ZNF385B: variants seen among roughly 807,000 people sequenced by gnomAD.
ZNF385B encodes zinc finger protein 533.
A neutral mutation model predicts 39.2 loss-of-function variants in ZNF385B; 23 were observed. The observed-to-expected ratio is 0.59, with a 90% CI of 0.42 to 0.83. The LOEUF is 0.83. Among genes scored for constraint, ZNF385B ranks in the 40% least tolerant of loss-of-function variants. The pLI is 0.00. For synonymous variants in ZNF385B, 205 were observed against 222.6 expected (o/e 0.92, Z 0.70); for missense variants, 552 against 598.9 (o/e 0.92, Z 0.82).
At chr2:179,540,663 T>G (rs942397619) in intron 4 of ZNF385B, among the ~76,000 whole-genome samples, 1 of 152,148 alleles carries the variant, frequency 6.6e-6, no homozygotes, top group African/African-American at 2.4e-5. Flanking sequence ...CAAAAAATGT[T>G]GTTGAGCACC....
Position 179,537,767 on chromosome 2 carries a change from A to AAAAAAAAAC in ZNF385B, c.441+7059_441+7060insGTTTTTTTT. Among the ~76,000 whole-genome samples the AAAAAAAAAC allele has an allele frequency of 2.4e-5, 3 of 125,318 alleles. 1 individual carries two copies. The highest frequency in any genetic ancestry group is 2.4e-4 in the Admixed American group (3 of 12,714). 82.2% of individuals were successfully genotyped at this position (125,318 alleles called of 152,430 possible). A position where few individuals can be genotyped will look rare whatever the true frequency, so the allele number is the denominator to read the frequency against. On this transcript the variant is annotated intron_variant, in intron 4 of 9. Transcript: ENST00000410066. Reference sequence around the variant, plus strand: ...AAAACAAACAAACAAACAAACAAACAAAAAAAAAAATTAATAGAAATGTAA... The same window carrying AAAAAAAAAC: ...AAAACAAACAAACAAACAAACAAACAAAAAAAAACAAAAAAAAAATTAATAGAAATGTAA...
chr2:179,788,749 T>C (rs1705153492), intron 1 of ZNF385B, among the ~76,000 whole-genome samples: 2 of 152,028 alleles, frequency 1.3e-5, no homozygotes, highest in Admixed American at 6.6e-5. Flanking sequence ...CAGAAGAAAA[T>C]GCCTTGTTGA....
intron 3 of ZNF385B, among the ~76,000 whole-genome samples, chr2:179,571,931 G>A (rs1436278905): frequency 1.3e-5 from 2 of 152,028 alleles, no homozygotes; most frequent in South Asian, 2.1e-4. Flanking sequence ...TCTGTAAGTT[G>A]ATGCCCTAAT....
intron 3 of ZNF385B, among the ~76,000 whole-genome samples, chr2:179,768,684 C>A (rs1214079881): frequency 6.6e-6 from 1 of 152,194 alleles, no homozygotes; most frequent in Non-Finnish European, 1.5e-5. Context: ...GGGAGGAAGA[C>A]TGTCTTTTGT....
chr2:179,654,084 G>A (rs550656953), intron 3 of ZNF385B, among the ~76,000 whole-genome samples: 124 of 152,142 alleles, frequency 8.2e-4, no homozygotes, highest in African/African-American at 2.8e-3. Context: ...CAGAATCAAC[G>A]GATGGATTTA....
Position 179,518,539 on chromosome 2 carries a change from A to G in ZNF385B, c.541T>C (p.Phe181Leu). 2 of 1,602,434 alleles carry G rather than the reference A, an allele frequency of 1.2e-6. No homozygotes were observed. The highest frequency in any genetic ancestry group is 1.7e-6 in the Non-Finnish European group (2 of 1,175,246). ...AAGGTGATACTCACATCTGAGTTAA[A>G]GCGAAGCTGACAGACATTACAAGAA... The part of the protein sequence containing the change: ...VISCNVCQLR[F>L]NSDSQAEAHY... Residue 181 changes from phenylalanine to leucine, a missense_variant, in exon 5 of 10, where the codon TTT becomes CTT. Coordinates refer to ENST00000410066, the MANE Select transcript of ZNF385B (RefSeq NM_152520.6).
intron 4 of ZNF385B, among the ~76,000 whole-genome samples, chr2:179,543,872 T>C (rs2060071415): frequency 6.6e-6 from 1 of 152,182 alleles, no homozygotes; most frequent in South Asian, 2.1e-4. Flanking sequence ...TCTTGCTGTT[T>C]TCACTTCATA....
At chr2:179,757,010 C>G (rs1283003659) in intron 3 of ZNF385B, among the ~76,000 whole-genome samples, 1 of 152,204 alleles carries the variant, frequency 6.6e-6, no homozygotes, top group Non-Finnish European at 1.5e-5. Context: ...TGGCAAGGAG[C>G]TGTGTTCCTT....
chr2:179,684,698 C>G (rs1280366637), intron 3 of ZNF385B, among the ~76,000 whole-genome samples: 1 of 152,154 alleles, frequency 6.6e-6, no homozygotes, highest in Non-Finnish European at 1.5e-5. Flanking sequence ...TCGTGACATA[C>G]CGAATCACAC....
At chr2:179,685,776 G>C (rs1157818893) in intron 3 of ZNF385B, among the ~76,000 whole-genome samples, 1 of 152,168 alleles carries the variant, frequency 6.6e-6, no homozygotes, top group African/African-American at 2.4e-5. Context: ...ATCACCCTCT[G>C]ATGCTAAACA....
intron 5 of ZNF385B, among the ~76,000 whole-genome samples, chr2:179,505,412 T>G (rs549565591): frequency 1.3e-5 from 2 of 152,212 alleles, no homozygotes; most frequent in Admixed American, 1.3e-4. Flanking sequence ...TAACTACTCC[T>G]TTAGTGAATC....
chr2:179,508,981 C>G (rs988099293), intron 5 of ZNF385B, among the ~76,000 whole-genome samples: 4 of 147,862 alleles, frequency 2.7e-5, no homozygotes, highest in African/African-American at 1.0e-4. Context: ...GAGTCTCGCT[C>G]TGTCGCTCAG....
chr2:179,719,756 T>C (rs1225738253), intron 3 of ZNF385B, among the ~76,000 whole-genome samples: 1 of 152,206 alleles, frequency 6.6e-6, no homozygotes, highest in Non-Finnish European at 1.5e-5. Flanking sequence ...CCTGATCCTA[T>C]AAAAATATGC....
At chr2:179,525,269 C>T (rs2058818128) in intron 4 of ZNF385B, among the ~76,000 whole-genome samples, 1 of 152,164 alleles carries the variant, frequency 6.6e-6, no homozygotes, top group Non-Finnish European at 1.5e-5. Flanking sequence ...CTACACAAAC[C>T]TAAGGTGCTT....
At chr2:179,635,888 A>G (rs2106204975) in intron 3 of ZNF385B, among the ~76,000 whole-genome samples, 2 of 152,320 alleles carry the variant, frequency 1.3e-5, no homozygotes, top group Admixed American at 1.3e-4. Flanking sequence ...GACCTACACA[A>G]ACATACTCTT....
intron 1 of ZNF385B, among the ~76,000 whole-genome samples, chr2:179,851,957 T>A (rs566310608): frequency 6.6e-6 from 1 of 152,202 alleles, no homozygotes; most frequent in African/African-American, 2.4e-5. Context: ...CATTTTCCAA[T>A]ACAATATTAA....
intron 3 of ZNF385B, among the ~76,000 whole-genome samples, chr2:179,696,108 T>C (rs1390050023): frequency 9.9e-5 from 15 of 152,006 alleles, no homozygotes; most frequent in Admixed American, 8.5e-4. Flanking sequence ...ATTGAAGGTG[T>C]TGTGGGGAGT....
At chr2:179,593,135 T>C (rs369859731) in intron 3 of ZNF385B, among the ~76,000 whole-genome samples, 3 of 152,234 alleles carry the variant, frequency 2.0e-5, no homozygotes, top group South Asian at 2.1e-4. Context: ...ACGGGAATGA[T>C]AGCAAAACCT....
intron 4 of ZNF385B, among the ~76,000 whole-genome samples, chr2:179,527,486 G>T (rs556400646): frequency 3.0e-4 from 46 of 151,474 alleles, no homozygotes; most frequent in Admixed American, 1.1e-3. Context: ...GTATCTTGAA[G>T]ATCTGTTTTG....
Sources: allele counts gnomAD v4.1 joint callset (sites outside exome capture counted in the v4.1 genomes callset), GRCh38; gene constraint gnomAD v4.1.1; transcripts MANE v1.5; gene names NCBI Gene and HGNC (gene_info 2026-07-23, HGNC 2026-07-21).